CLCA4: variants seen among roughly 807,000 people sequenced by gnomAD.
CLCA4 encodes the protein chloride channel accessory 4, also known as calcium-activated chloride channel regulator 4.
CLCA4 carries 69 observed loss-of-function variants against 78.9 expected under a neutral mutation model. The ratio of observed to expected loss-of-function variants is 0.87; its 90% CI spans 0.72 to 1.07. CLCA4 has a LOEUF of 1.07. Ranked by LOEUF, CLCA4 falls within the 50% of genes least tolerant of loss-of-function variation. CLCA4 has a pLI of 0.00. For synonymous variants in CLCA4, 362 were observed against 375.8 expected (o/e 0.96, Z 0.42); for missense variants, 1,133 against 1,095.8 (o/e 1.03, Z -0.48).
Position 86,575,434 on chromosome 1 carries a change from G to A in CLCA4, c.1786G>A (p.Val596Met), listed in dbSNP as rs1345828113. The A allele has an allele frequency of 6.2e-7, 1 of 1,613,372 alleles. No homozygotes were observed. The highest frequency in any genetic ancestry group is 1.3e-5 in the African/African-American group (1 of 74,856). ...AAATTCTTCTGTGCCTCCAATCACA[G>A]TGAATGCTAAAATGAATAAGGACGT... ...AANSSVPPIT[V>M]NAKMNKDVNS... The change falls in exon 11 of 14, where the codon GTG (valine) becomes ATG (methionine). Residue 596 changes from valine to methionine, a missense_variant. Transcript: ENST00000370563.
rs765488926 is a variant in CLCA4 at position 86,569,684 on chromosome 1, G to A, written c.1183-1393G>A. 2.5e-4 allele frequency among the ~76,000 whole-genome samples: 38 copies of A among 152,048 alleles called. 1 individual carries two copies. The highest frequency in any genetic ancestry group is 4.2e-4 in the South Asian group (2 of 4,818). On this transcript the variant is annotated intron_variant, in intron 7 of 13. Transcript: ENST00000370563. ...GTTCAGTAAACTGTAACACTACACT[G>A]TTATTTCTCTTGAACTATAGAATAT...
chr1:86,564,327 G>A (rs889444230), intron 4 of CLCA4, among the ~76,000 whole-genome samples: 1 of 152,120 alleles, frequency 6.6e-6, no homozygotes, highest in African/African-American at 2.4e-5. Context: ...ATGTCCTGCT[G>A]GGGCGTGGGA....
Position 86,579,504 on chromosome 1 carries a change from T to C in CLCA4, c.2273T>C (p.Ile758Thr), listed in dbSNP as rs369406325. 6 of 1,613,270 alleles carry C rather than the reference T, an allele frequency of 3.7e-6. No individual in the cohort carries two copies. Among genetic ancestry groups the C allele is most frequent in the Non-Finnish European group, 5.1e-6 (6 of 1,179,476 alleles). The change falls in exon 13 of 14, where the codon ATC becomes ACC. Residue 758 changes from isoleucine (I) to threonine (T), a missense_variant. Ile to Thr is a moderately conservative substitution (Grantham distance 89). Coordinates refer to ENST00000370563, the MANE Select transcript of CLCA4 (RefSeq NM_012128.4). ...CCTGACCAATACCCACCAAGTCAAATCACAGACCTTGATGCCACAGTTCAT... is the reference window on the plus strand; with the variant it reads ...CCTGACCAATACCCACCAAGTCAAACCACAGACCTTGATGCCACAGTTCAT... ...PLPDQYPPSQ[I>T]TDLDATVHED...
At chr1:86,554,372 A>G (rs1649766730) in intron 1 of CLCA4, among the ~76,000 whole-genome samples, 1 of 152,018 alleles carries the variant, frequency 6.6e-6, no homozygotes, top group Non-Finnish European at 1.5e-5. Flanking sequence ...TATGTACCAC[A>G]GTTTTTGTTT....
Sources: gnomAD v4.1 joint callset for allele counts (sites outside exome capture counted in the v4.1 genomes callset) on GRCh38, gnomAD v4.1.1 for gene constraint, MANE v1.5 for transcripts, NCBI Gene and HGNC (gene_info 2026-07-23, HGNC 2026-07-21) for gene names.